Variants in YTHDF3 observed in about 807,000 individuals in gnomAD.
YTHDF3 encodes the protein YTH domain-containing family protein 3.
A neutral mutation model predicts 52.5 loss-of-function variants in YTHDF3; 9 were observed. The observed-to-expected ratio is 0.17, with a 90% confidence interval of 0.10 to 0.30. YTHDF3 has a LOEUF of 0.30. Ranked by LOEUF, YTHDF3 falls within the 10% of genes least tolerant of loss-of-function variation. YTHDF3 has a pLI of 1.00. For synonymous variants in YTHDF3, 274 were observed against 243.3 expected (o/e 1.13, Z -1.18); for missense variants, 534 against 715.0 (o/e 0.75, Z 2.89).
rs1354387614 is a variant in YTHDF3 at position 63,174,692 on chromosome 8, T to C, written c.50-639T>C. Among the ~76,000 whole-genome samples, 7 of 152,338 alleles carry C rather than the reference T, an allele frequency of 4.6e-5. No homozygotes were observed. The East Asian group carries it at 1.3e-3, about 29-fold the overall frequency. Reference sequence around the variant, plus strand: ...CAAGGATAATTATGGCTATCTTTTGTGTCTTAATTTTGTTTGTAGTTTCAT... The same window carrying C: ...CAAGGATAATTATGGCTATCTTTTGCGTCTTAATTTTGTTTGTAGTTTCAT... On this transcript the variant is annotated intron_variant, in intron 2 of 4. Transcript: ENST00000539294.
rs1810287268 is a variant in YTHDF3 at position 63,210,013 on chromosome 8, T to C, written c.*307T>C. 1 of 272,200 alleles carries C rather than the reference T, an allele frequency of 3.7e-6. No individual in the cohort carries two copies. The highest frequency in any genetic ancestry group is 2.2e-5 in the African/African-American group (1 of 45,496). 16.9% of individuals were successfully genotyped at this position (272,200 alleles called of 1,614,324 possible). A position where few individuals can be genotyped will look rare whatever the true frequency, so the allele number is the denominator to read the frequency against. On this transcript the variant is annotated 3_prime_UTR_variant, in exon 5 of 5. Coordinates refer to ENST00000539294, the MANE Select transcript of YTHDF3 (RefSeq NM_152758.6). ...ACAGAAGACTGAATGAATGCAAGGATTCATTAACTCTTTGAATTTGTTAAA... is the reference window on the plus strand; with the variant it reads ...ACAGAAGACTGAATGAATGCAAGGACTCATTAACTCTTTGAATTTGTTAAA...
intron 4 of YTHDF3, among the ~76,000 whole-genome samples, chr8:63,202,449 C>A (rs1233211778): frequency 7.1e-6 from 1 of 141,656 alleles, no homozygotes; most frequent in Non-Finnish European, 1.5e-5. Context: ...TCTGTTACTG[C>A]CCTTGTTCTA....
intron 1 of YTHDF3, 143 bp downstream of exon 1, chr8:63,169,044 C>T (rs1009722516): frequency 4.4e-5 from 63 of 1,427,206 alleles, no homozygotes; most frequent in Non-Finnish European, 5.5e-5. Context: ...TGTAGCTACC[C>T]GGGCCGGGGC....
Position 63,172,797 on chromosome 8 carries a change from A to T in YTHDF3, c.50-2534A>T, listed in dbSNP as rs543937382. ...GAGCAGAGGAAACAGGCGAAGAATC[A>T]TGTAAGTCATCTGTTCTTTTTACCC... On this transcript the variant is annotated intron_variant, in intron 2 of 4. Coordinates refer to ENST00000539294, the MANE Select transcript of YTHDF3 (RefSeq NM_152758.6). 4.9e-6 allele frequency: 6 copies of T among 1,231,552 alleles called. No individual in the cohort carries two copies. In the East Asian group the frequency reaches 1.9e-4, roughly 39 times the overall value. 76.3% of individuals were successfully genotyped at this position (1,231,552 alleles called of 1,614,324 possible). A position where few individuals can be genotyped will look rare whatever the true frequency, so the allele number is the denominator to read the frequency against.
chr8:63,182,361 G>A lies in YTHDF3; in HGVS notation c.136-3786G>A, dbSNP rs371900234. On this transcript the variant is annotated intron_variant, in intron 3 of 4. Transcript: ENST00000539294. ...GCTGGGATTACAAGCACAAGCCACCGTGCCTGGCTTTAAGCTAATAGCTTT... is the reference window on the plus strand; with the variant it reads ...GCTGGGATTACAAGCACAAGCCACCATGCCTGGCTTTAAGCTAATAGCTTT... 1.5e-4 allele frequency among the ~76,000 whole-genome samples: 23 copies of A among 149,952 alleles called. No individual in the cohort carries two copies. The South Asian group carries it at 3.0e-3, about 19-fold the overall frequency.
chr8:63,174,318 A>G (rs942417737), intron 2 of YTHDF3, among the ~76,000 whole-genome samples: 3 of 152,180 alleles, frequency 2.0e-5, no homozygotes, highest in Non-Finnish European at 4.4e-5. Context: ...GCTTAGTAAC[A>G]CTTCTGTTTA....
At chr8:63,185,738 TTGTG>T (rs1309061433) in intron 3 of YTHDF3, among the ~76,000 whole-genome samples, 4 of 152,226 alleles carry the variant, frequency 2.6e-5, no homozygotes, top group African/African-American at 7.2e-5. Context: ...TATTTAATCC[TTGTG>T]TGTAAGTGAT....
intron 3 of YTHDF3, among the ~76,000 whole-genome samples, chr8:63,183,699 TGTG>T (rs1808309498): frequency 1.3e-5 from 2 of 152,230 alleles, no homozygotes; most frequent in Non-Finnish European, 2.9e-5. Flanking sequence ...AGCTGAAGAA[TGTG>T]TTCAGTTAGT....
chr8:63,169,331 CT>C (rs917102417), intron 1 of YTHDF3, 55 bp from the exon 2 acceptor site: 184 of 1,563,132 alleles, frequency 1.2e-4, no homozygotes, highest in Non-Finnish European at 1.5e-4. Flanking sequence ...GATTAACACA[CT>C]TTTTCTTTTC....
chr8:63,169,337 C>T lies in YTHDF3; in HGVS notation c.25-50C>T, dbSNP rs971250700. On this transcript the variant is annotated intron_variant, in intron 1 of 4. Transcript: ENST00000539294. ...AATGCCTTTGATTAACACACTTTTT[C>T]TTTTCTTCCTTTTTCTCCTCTTTAC... The T allele has an allele frequency of 4.5e-6, 7 of 1,570,832 alleles. 1 individual carries two copies. The South Asian group carries it at 7.0e-5, about 16-fold the overall frequency.
rs1232282548 is a variant in YTHDF3, at chr8:63,187,762, T to A, written c.1734+17T>A. The A allele has an allele frequency of 1.3e-6, 2 of 1,565,538 alleles. No individual in the cohort carries two copies. Among genetic ancestry groups the A allele is most frequent in the Non-Finnish European group, 1.7e-6 (2 of 1,157,674 alleles). On this transcript the variant is annotated intron_variant, in intron 4 of 4. Transcript: ENST00000539294. Reference sequence around the variant, plus strand: ...ATGCGTAGGGTAAGAATATAGTAATTTTTTGTTTGGGGTCTTTGTATTGCT... The same window carrying A: ...ATGCGTAGGGTAAGAATATAGTAATATTTTGTTTGGGGTCTTTGTATTGCT...
chr8:63,197,446 T>C (rs902938068), intron 4 of YTHDF3, among the ~76,000 whole-genome samples: 1 of 152,200 alleles, frequency 6.6e-6, no homozygotes, highest in African/African-American at 2.4e-5. Flanking sequence ...TGTTATGAGA[T>C]GGAATGGGAA....
intron 3 of YTHDF3, among the ~76,000 whole-genome samples, chr8:63,182,943 A>G (rs772396045): frequency 6.8e-6 from 1 of 147,086 alleles, no homozygotes; most frequent in African/African-American, 2.5e-5. Flanking sequence ...TGAAGACAGT[A>G]GACAGTTTTA....
chr8:63,184,618 A>G (rs1289718495), intron 3 of YTHDF3, among the ~76,000 whole-genome samples: 2 of 152,248 alleles, frequency 1.3e-5, no homozygotes, highest in Non-Finnish European at 1.5e-5. Flanking sequence ...GGCAGGATCT[A>G]TGACGTTATG....
intron 3 of YTHDF3, among the ~76,000 whole-genome samples, chr8:63,176,781 G>A (rs1035244321): frequency 1.3e-5 from 2 of 151,904 alleles, no homozygotes; most frequent in South Asian, 4.2e-4. Flanking sequence ...AGGCTCAAGT[G>A]ATTCTTCTGC....
chr8:63,178,460 G>T (rs1324781282), intron 3 of YTHDF3, among the ~76,000 whole-genome samples: 1 of 152,168 alleles, frequency 6.6e-6, no homozygotes, highest in East Asian at 1.9e-4. Context: ...GAACCCAAAT[G>T]AATTTTTTCA....
Position 63,187,427 on chromosome 8 carries a change from T to C in YTHDF3, c.1416T>C (p.His472=). The change falls in exon 4 of 5, where the codon CAT becomes CAC. Residue 472 remains histidine (H), a synonymous_variant. Transcript: ENST00000539294. ...YLLFSVNGSG[H]FCGVAEMKSV... ...TCTTCAGTGTGAATGGCAGTGGACA[T>C]TTTTGTGGAGTGGCTGAAATGAAGT... is the stretch of plus-strand genomic sequence containing the variant. 6.2e-7 allele frequency: 1 copy of C among 1,614,014 alleles called. No individual in the cohort carries two copies. The highest frequency in any genetic ancestry group is 1.1e-5 in the South Asian group (1 of 91,080).
At chr8:63,179,462 C>T (rs1217224475) in intron 3 of YTHDF3, among the ~76,000 whole-genome samples, 1 of 152,168 alleles carries the variant, frequency 6.6e-6, no homozygotes. Flanking sequence ...TAACAAAGCA[C>T]ATCTTGCACC....
Position 63,212,461 on chromosome 8 carries a change from C to A in YTHDF3, c.*2755C>A, listed in dbSNP as rs1810416795. 1 of 152,542 alleles carries A rather than the reference C, an allele frequency of 6.6e-6. No individual in the cohort carries two copies. The highest frequency in any genetic ancestry group is 2.4e-5 in the African/African-American group (1 of 41,408). 9.4% of individuals were successfully genotyped at this position (152,542 alleles called of 1,614,324 possible). A position where few individuals can be genotyped will look rare whatever the true frequency, so the allele number is the denominator to read the frequency against. On this transcript the variant is annotated 3_prime_UTR_variant, in exon 5 of 5. Coordinates refer to ENST00000539294, the MANE Select transcript of YTHDF3 (RefSeq NM_152758.6). ...TAAAAAAAAATGAATCAGCTTAAGT[C>A]ATTTAATCATTTCAAGTGCATTCTG... is the stretch of plus-strand genomic sequence containing the variant.
Sources: allele counts gnomAD v4.1 joint callset (sites outside exome capture counted in the v4.1 genomes callset), GRCh38; gene constraint gnomAD v4.1.1; transcripts MANE v1.5; gene names NCBI Gene and HGNC (gene_info 2026-07-23, HGNC 2026-07-21).